SEC22C: variants seen among roughly 807,000 people sequenced by gnomAD.
SEC22C encodes the protein SEC22 homolog C, vesicle trafficking protein.
Under a neutral mutation model 34.7 loss-of-function variants are expected in SEC22C, and 29 were observed. The observed-to-expected ratio is 0.84, with a 90% confidence interval of 0.62 to 1.14. SEC22C has a LOEUF of 1.14. SEC22C is among the 50% of genes most tolerant of loss of function. The pLI is 0.00. For missense variants in SEC22C, 337 were observed against 369.0 expected (o/e 0.91, Z 0.71); for synonymous variants, 117 against 132.8 (o/e 0.88, Z 0.82).
At chr3:42,591,263 A>G (rs1704828048) in intron 1 of SEC22C, 2 of 564,660 alleles carry the variant, frequency 3.5e-6, no homozygotes, top group African/African-American at 2.1e-5. Context: ...GCAGTGGTGC[A>G]TCTTGGCTCA....
Position 42,548,768 on chromosome 3 carries a change from G to A in SEC22C, c.*4480C>T. ...CTACCTTTTGGAGTGAAAAAAATGA[G>A]GTTTACACTGTAGTATAACAAAATG... On this transcript the variant is annotated 3_prime_UTR_variant, in exon 7 of 7. Transcript: ENST00000264454. 7 of 1,574,092 alleles carry A rather than the reference G, an allele frequency of 4.4e-6. No individual in the cohort carries two copies. Among genetic ancestry groups the A allele is most frequent in the Non-Finnish European group, 6.1e-6 (7 of 1,156,946 alleles).
rs543551714 is a variant in SEC22C, at chr3:42,548,455, A to G, written c.*4793T>C. ...GGCAACAGCTCTGCCATCAATACACATGGGCAGATGTTTCCGAATCCAGCC... is the reference window on the plus strand; with the variant it reads ...GGCAACAGCTCTGCCATCAATACACGTGGGCAGATGTTTCCGAATCCAGCC... On this transcript the variant is annotated 3_prime_UTR_variant, in exon 7 of 7. Transcript: ENST00000264454. 1.1e-4 allele frequency: 84 copies of G among 760,352 alleles called. No homozygotes were observed. In the African/African-American group the frequency reaches 1.3e-3, roughly 11 times the overall value. 47.1% of individuals were successfully genotyped at this position (760,352 alleles called of 1,614,324 possible).
chr3:42,563,349 G>A lies in SEC22C; in HGVS notation c.346+174C>T, dbSNP rs566564530. ...AAAAGCCAGAGTGTTAAACCTTGAC[G>A]CTTTCCGGGACACTTCAATTGATAT... On this transcript the variant is annotated intron_variant, in intron 3 of 6. Coordinates refer to ENST00000264454, the MANE Select transcript of SEC22C (RefSeq NM_032970.4). Among the ~76,000 whole-genome samples the A allele has an allele frequency of 5.9e-5, 9 of 152,328 alleles. No individual in the cohort carries two copies. The East Asian group carries it at 1.4e-3, about 23-fold the overall frequency.
At chr3:42,567,822 G>C (rs9819563) in intron 2 of SEC22C, among the ~76,000 whole-genome samples, 34,150 of 152,138 alleles carry the variant, frequency 0.22, 4,178 homozygotes, top group East Asian at 0.46. Context: ...TGTAATCCCA[G>C]CACTTTGGGA....
chr3:42,576,422 G>A (rs535400964), intron 1 of SEC22C, among the ~76,000 whole-genome samples: 1 of 152,258 alleles, frequency 6.6e-6, no homozygotes, highest in South Asian at 2.1e-4. Flanking sequence ...CCTTTGGACA[G>A]AGTGATACTT....
intron 1 of SEC22C, among the ~76,000 whole-genome samples, chr3:42,588,457 T>C (rs1470016885): frequency 1.3e-5 from 2 of 152,144 alleles, no homozygotes; most frequent in Non-Finnish European, 2.9e-5. Flanking sequence ...AAAACATGTA[T>C]GTCCCAGTTC....
intron 1 of SEC22C, among the ~76,000 whole-genome samples, chr3:42,599,765 C>T (rs111539574): frequency 1.3e-5 from 2 of 151,314 alleles, no homozygotes; most frequent in Non-Finnish European, 2.9e-5. Flanking sequence ...AATGTTGACA[C>T]TTACTTGACA....
At position 42,549,252 on chromosome 3, in the gene SEC22C, C is replaced by G; in HGVS notation, c.*3996G>C. The stretch of plus-strand genomic sequence containing the variant: ...GGGGCTTGCCAGGCACATCTGATCA[C>G]CATAAATGCTCCCACCCCTGCCTGT... On this transcript the variant is annotated 3_prime_UTR_variant, in exon 7 of 7. Transcript: ENST00000264454. The G allele has an allele frequency of 6.1e-6, 6 of 986,372 alleles. No homozygotes were observed. The highest frequency in any genetic ancestry group is 7.2e-6 in the Non-Finnish European group (6 of 830,580). 61.1% of individuals were successfully genotyped at this position (986,372 alleles called of 1,614,324 possible).
chr3:42,600,470 AG>A (rs147795349), intron 1 of SEC22C: 285 of 151,466 alleles, frequency 1.9e-3, no homozygotes, highest in African/African-American at 5.2e-3. Context: ...CTGACTTCAA[AG>A]GGGGGGGCAA....
intron 1 of SEC22C, among the ~76,000 whole-genome samples, chr3:42,579,313 G>A (rs552681776): frequency 1.8e-4 from 27 of 150,066 alleles, no homozygotes; most frequent in African/African-American, 6.6e-4. Flanking sequence ...AAAAAACTAG[G>A]AAAGCAGGCT....
intron 1 of SEC22C, among the ~76,000 whole-genome samples, chr3:42,589,958 C>G (rs1299858829): frequency 6.6e-6 from 1 of 152,142 alleles, no homozygotes; most frequent in African/African-American, 2.4e-5. Context: ...CTGGGCAGTC[C>G]CGGGTTGTTA....
intron 1 of SEC22C, among the ~76,000 whole-genome samples, chr3:42,571,016 C>T (rs1231370285): frequency 6.6e-6 from 1 of 152,164 alleles, no homozygotes; most frequent in Non-Finnish European, 1.5e-5. Flanking sequence ...AAGAAAGGTA[C>T]TTTTTTGGGA....
At position 42,576,437 on chromosome 3, in the gene SEC22C, T is replaced by TA. The variant is rs1246241727; in HGVS notation, c.-28+5408dup. 2.0e-5 allele frequency among the ~76,000 whole-genome samples: 3 copies of TA among 151,778 alleles called. No homozygotes were observed. The South Asian group carries it at 6.2e-4, about 31-fold the overall frequency. On this transcript the variant is annotated intron_variant, in intron 1 of 6. Coordinates refer to ENST00000264454, the MANE Select transcript of SEC22C (RefSeq NM_032970.4). ...CCTTTGGACAGAGTGATACTTCATC[T>TA]AAAAAAAATTACATTTCTATATACG...
chr3:42,587,226 C>A (rs988429183), intron 1 of SEC22C, among the ~76,000 whole-genome samples: 1 of 152,180 alleles, frequency 6.6e-6, no homozygotes, highest in Non-Finnish European at 1.5e-5. Flanking sequence ...TGCCTAAAAC[C>A]ATCCATGGCT....
Position 42,551,134 on chromosome 3 carries a change from T to G in SEC22C, c.*2114A>C, listed in dbSNP as rs1702236845. On this transcript the variant is annotated 3_prime_UTR_variant, in exon 7 of 7. Transcript: ENST00000264454. Reference sequence around the variant, plus strand: ...TGCCCACCTCAGCTTCCCAAAGTGTTATTGACTTTTAAAGCTTTTTTGTTC... The same window carrying G: ...TGCCCACCTCAGCTTCCCAAAGTGTGATTGACTTTTAAAGCTTTTTTGTTC... 1.0e-6 allele frequency: 1 copy of G among 985,242 alleles called. No individual in the cohort carries two copies. Among genetic ancestry groups the G allele is most frequent in the South Asian group, 4.7e-5 (1 of 21,278 alleles). The allele number at this position is 985,242 out of a possible 1,614,324, so 61.0% of individuals were successfully genotyped here.
intron 1 of SEC22C, among the ~76,000 whole-genome samples, chr3:42,579,819 G>A (rs1704204750): frequency 6.6e-6 from 1 of 152,140 alleles, no homozygotes; most frequent in Non-Finnish European, 1.5e-5. Context: ...ATGAATGAAT[G>A]ACCTAAGGGC....
upstream of SEC22C, among the ~76,000 whole-genome samples, chr3:42,583,531 C>T (rs1704503556): frequency 6.6e-6 from 1 of 152,102 alleles, no homozygotes; most frequent in African/African-American, 2.4e-5. Flanking sequence ...ATTTGAGGCA[C>T]CTTTGAGACT....
chr3:42,556,729 T>C (rs1411001625), intron 5 of SEC22C, among the ~76,000 whole-genome samples: 1 of 152,198 alleles, frequency 6.6e-6, no homozygotes, highest in African/African-American at 2.4e-5. Flanking sequence ...TTTGTTTTTG[T>C]TTTCTTTTTT....
chr3:42,554,099 T>A (rs1364139767), intron 6 of SEC22C, among the ~76,000 whole-genome samples: 1 of 151,964 alleles, frequency 6.6e-6, no homozygotes, highest in Non-Finnish European at 1.5e-5. Flanking sequence ...TTTGTTTTTT[T>A]TTTTTAAAAA....
Sources: allele counts gnomAD v4.1 joint callset (sites outside exome capture counted in the v4.1 genomes callset), GRCh38; gene constraint gnomAD v4.1.1; transcripts MANE v1.5; gene names NCBI Gene and HGNC (gene_info 2026-07-23, HGNC 2026-07-21).